Variants in HOMER1 observed in about 807,000 individuals in gnomAD.
HOMER1 encodes homer protein homolog 1.
Under a neutral mutation model 48.9 loss-of-function variants are expected in HOMER1, and 3 were observed. The observed-to-expected ratio is 0.06, with a 90% CI of 0.03 to 0.16. The LOEUF (loss-of-function observed/expected upper bound fraction) is 0.16. HOMER1 is among the 10% of genes least tolerant of loss of function. HOMER1 has a pLI of 1.00. For synonymous variants in HOMER1, 134 were observed against 146.4 expected (o/e 0.92, Z 0.61); for missense variants, 247 against 411.4 (o/e 0.60, Z 3.46).
intron 5 of HOMER1, among the ~76,000 whole-genome samples, chr5:79,436,298 G>A (rs926419312): frequency 3.9e-5 from 6 of 152,064 alleles, no homozygotes; most frequent in African/African-American, 7.2e-5. Context: ...CATGAAACAC[G>A]GATCTTATTT....
At chr5:79,413,192 G>A (rs1231690150) in intron 5 of HOMER1, among the ~76,000 whole-genome samples, 14 of 152,092 alleles carry the variant, frequency 9.2e-5, no homozygotes, top group Admixed American at 7.9e-4. Context: ...CTGACTTTGA[G>A]AAAAATAAGA....
chr5:79,427,612 A>ACCTT (rs1193230008), intron 5 of HOMER1, among the ~76,000 whole-genome samples: 1 of 151,480 alleles, frequency 6.6e-6, no homozygotes, highest in Non-Finnish European at 1.5e-5. Context: ...TATGTTTACA[A>ACCTT]CCTTCCTTCC....
intron 8 of HOMER1, among the ~76,000 whole-genome samples, chr5:79,386,103 C>A (rs1004834729): frequency 6.6e-6 from 1 of 151,874 alleles, no homozygotes; most frequent in African/African-American, 2.4e-5. Flanking sequence ...ATCATGTAAT[C>A]CCAATACTGG....
At chr5:79,508,005 C>T (rs1048750563) in intron 1 of HOMER1, among the ~76,000 whole-genome samples, 1 of 152,326 alleles carries the variant, frequency 6.6e-6, no homozygotes, top group East Asian at 1.9e-4. Context: ...CTCCCCACTT[C>T]GGAACCTTCC....
chr5:79,488,956 G>A (rs898760439), intron 1 of HOMER1, among the ~76,000 whole-genome samples: 1 of 152,064 alleles, frequency 6.6e-6, no homozygotes, highest in African/African-American at 2.4e-5. Context: ...AGATTCCTGT[G>A]GTTTCACATT....
At chr5:79,468,247 T>C (rs1256154922) in intron 1 of HOMER1, among the ~76,000 whole-genome samples, 2 of 152,210 alleles carry the variant, frequency 1.3e-5, no homozygotes, top group Non-Finnish European at 2.9e-5. Context: ...GAAAAGCTTT[T>C]AAATATATAT....
chr5:79,390,549 A>G (rs967749399), intron 8 of HOMER1, among the ~76,000 whole-genome samples: 2 of 152,220 alleles, frequency 1.3e-5, no homozygotes, highest in Non-Finnish European at 2.9e-5. Flanking sequence ...GAGACCAAAC[A>G]TAAAAATCAT....
intron 5 of HOMER1, among the ~76,000 whole-genome samples, chr5:79,437,408 T>C (rs1750615632): frequency 6.6e-6 from 1 of 152,186 alleles, no homozygotes; most frequent in Non-Finnish European, 1.5e-5. Flanking sequence ...TGCATACTAA[T>C]ATGATTATTT....
chr5:79,439,110 C>G lies in HOMER1; in HGVS notation c.427G>C (p.Glu143Gln). ...GGDLQSPLTP[E>Q]SINGTDDERT... ...TCATCATCTGTCCCGTTGATACTTT[C>G]CGGTGTTAAAGGAGACTGAAGATCC... The change falls in exon 5 of 9, where the codon GAA (glutamate) becomes CAA (glutamine). Residue 143 changes from glutamate (E) to glutamine (Q), a missense_variant. Around this residue, in one of 4 missense-constraint regions of HOMER1, gnomAD observed 94 missense variants for 112.4 expected, o/e 0.84. Coordinates refer to ENST00000334082, the MANE Select transcript of HOMER1 (RefSeq NM_004272.5). 1.2e-6 allele frequency: 2 copies of G among 1,613,946 alleles called. No homozygotes were observed. Among genetic ancestry groups the G allele is most frequent in the Non-Finnish European group, 1.7e-6 (2 of 1,179,922 alleles).
intron 5 of HOMER1, among the ~76,000 whole-genome samples, chr5:79,426,990 C>T (rs933643826): frequency 2.6e-5 from 4 of 152,100 alleles, no homozygotes; most frequent in African/African-American, 9.7e-5. Context: ...CTTAATTCTG[C>T]ACTTTGTACA....
Position 79,372,873 on chromosome 5 carries a change from T to C in HOMER1, c.*3136A>G, listed in dbSNP as rs1456976006. ...GGTAGTGGTGGTGTTGGCTTAATTT[T>C]GAGTGTTCCTTTTATTTCCACCTGA... On this transcript the variant is annotated 3_prime_UTR_variant, in exon 9 of 9. Coordinates refer to ENST00000334082, the MANE Select transcript of HOMER1 (RefSeq NM_004272.5). The C allele has an allele frequency of 1.3e-5, 2 of 152,154 alleles. No individual in the cohort carries two copies. Among genetic ancestry groups the C allele is most frequent in the Non-Finnish European group, 2.9e-5 (2 of 68,008 alleles). The allele number at this position is 152,154 out of a possible 1,614,324, so 9.4% of individuals were successfully genotyped here. A position where few individuals can be genotyped will look rare whatever the true frequency, so the allele number is the denominator to read the frequency against.
chr5:79,448,531 C>G (rs1245684929), intron 3 of HOMER1, among the ~76,000 whole-genome samples: 1 of 152,160 alleles, frequency 6.6e-6, no homozygotes, highest in Non-Finnish European at 1.5e-5. Context: ...ACCATTCAAT[C>G]TTAAGAGACC....
chr5:79,486,167 G>A (rs73124174), intron 1 of HOMER1, among the ~76,000 whole-genome samples: 5,647 of 152,152 alleles, frequency 0.037, 357 homozygotes, highest in African/African-American at 0.13. Flanking sequence ...TGAGTGACCC[G>A]TTTAAAAGTA....
intron 5 of HOMER1, among the ~76,000 whole-genome samples, chr5:79,413,990 T>C (rs1168952072): frequency 6.6e-6 from 1 of 152,196 alleles, no homozygotes; most frequent in African/African-American, 2.4e-5. Context: ...TAGATATAAC[T>C]GAAAGTCTCC....
intron 1 of HOMER1, among the ~76,000 whole-genome samples, chr5:79,463,372 T>C (rs1751371457): frequency 6.6e-6 from 1 of 152,228 alleles, no homozygotes; most frequent in Admixed American, 6.5e-5. Context: ...TGAAACGGTA[T>C]GTTTGCATGT....
At chr5:79,463,103 G>A (rs1372721612) in intron 1 of HOMER1, among the ~76,000 whole-genome samples, 1 of 152,134 alleles carries the variant, frequency 6.6e-6, no homozygotes, top group African/African-American at 2.4e-5. Context: ...TTCCACTGAG[G>A]ATTTGACTCT....
chr5:79,465,044 T>C (rs959993831), intron 1 of HOMER1, among the ~76,000 whole-genome samples: 1 of 152,102 alleles, frequency 6.6e-6, no homozygotes, highest in Non-Finnish European at 1.5e-5. Context: ...TTTTTTTTAA[T>C]TGTATGATCT....
intron 8 of HOMER1, among the ~76,000 whole-genome samples, 182 bp from the exon 9 acceptor site, chr5:79,376,379 A>G (rs1461780385): frequency 6.6e-6 from 1 of 152,132 alleles, no homozygotes; most frequent in Non-Finnish European, 1.5e-5. Context: ...GAGCAATACG[A>G]TTTTAATGAC....
In HOMER1 at chr5:79,479,222, T is replaced by C. The variant is rs542592418; in HGVS notation, c.6-22204A>G. Among the ~76,000 whole-genome samples the C allele has an allele frequency of 2.0e-4, 30 of 152,080 alleles. No homozygotes were observed. In the South Asian group the frequency reaches 4.6e-3, roughly 23 times the overall value. ...ATAAAAAACACTAACATTTGAAAAA[T>C]TGAATTTGTTGATAGGTCCTTCAAA... is the stretch of plus-strand genomic sequence containing the variant. On this transcript the variant is annotated intron_variant, in intron 1 of 8. Transcript: ENST00000334082.
Sources: allele counts gnomAD v4.1 joint callset (sites outside exome capture counted in the v4.1 genomes callset), GRCh38; gene constraint gnomAD v4.1.1; regional missense constraint gnomAD v4.1.1; transcripts MANE v1.5; gene names NCBI Gene and HGNC (gene_info 2026-07-23, HGNC 2026-07-21).